ADAMTSL1: variants seen among roughly 807,000 people sequenced by gnomAD.
The protein encoded by ADAMTSL1 is ADAMTS like 1, also known as ADAMTS-like protein 1.
Under a neutral mutation model 201.8 loss-of-function variants are expected in ADAMTSL1, and 126 were observed. The ratio of observed to expected loss-of-function variants is 0.62; its 90% CI spans 0.54 to 0.72. The LOEUF (loss-of-function observed/expected upper bound fraction) is 0.72, where lower values mean the gene tolerates loss of function less well. Among genes scored for constraint, ADAMTSL1 ranks in the 30% least tolerant of loss-of-function variants. The pLI is 0.00. For synonymous variants in ADAMTSL1, 1,121 were observed against 903.4 expected (o/e 1.24, Z -4.32); for missense variants, 2,679 against 2,277.8 (o/e 1.18, Z -3.59).
At chr9:18,559,384 G>A (rs1298783314) in intron 3 of ADAMTSL1, among the ~76,000 whole-genome samples, 1 of 152,168 alleles carries the variant, frequency 6.6e-6, no homozygotes, top group East Asian at 1.9e-4. Flanking sequence ...TTTGGTACCA[G>A]TACCATGCTG....
intron 2 of ADAMTSL1, among the ~76,000 whole-genome samples, chr9:18,284,263 A>T (rs954429139): frequency 1.3e-5 from 2 of 152,094 alleles, no homozygotes; most frequent in African/African-American, 4.8e-5. Flanking sequence ...TTAAAAAAAC[A>T]TTTTTTAGAT....
intron 23 of ADAMTSL1, among the ~76,000 whole-genome samples, chr9:18,883,196 A>G (rs1158391804): frequency 2.0e-5 from 3 of 152,168 alleles, no homozygotes; most frequent in Non-Finnish European, 4.4e-5. Flanking sequence ...ACTTAAAACA[A>G]CAATCAATTG....
At chr9:18,354,330 C>G (rs917979873) in intron 2 of ADAMTSL1, among the ~76,000 whole-genome samples, 1 of 151,854 alleles carries the variant, frequency 6.6e-6, no homozygotes, top group African/African-American at 2.4e-5. Context: ...ATCTCTATCC[C>G]TGGTTGTTTT....
intron 2 of ADAMTSL1, among the ~76,000 whole-genome samples, chr9:18,408,979 T>C (rs1190262568): frequency 2.0e-5 from 3 of 152,232 alleles, no homozygotes; most frequent in African/African-American, 7.2e-5. Context: ...TTTACTTTGA[T>C]ACACCTGAAG....
intron 2 of ADAMTSL1, among the ~76,000 whole-genome samples, chr9:18,509,649 G>GA (rs1817915457): frequency 2.0e-5 from 3 of 152,198 alleles, no homozygotes; most frequent in South Asian, 4.1e-4. Flanking sequence ...TTCTCATAGT[G>GA]ATAGCAGAGG....
chr9:18,530,658 T>C (rs1016803523), intron 2 of ADAMTSL1, among the ~76,000 whole-genome samples: 1 of 152,208 alleles, frequency 6.6e-6, no homozygotes, highest in African/African-American at 2.4e-5. Flanking sequence ...AGCTATTATA[T>C]TTTTACATCT....
intron 2 of ADAMTSL1, among the ~76,000 whole-genome samples, chr9:18,422,970 G>T (rs1042441128): frequency 3.3e-5 from 5 of 152,246 alleles, no homozygotes; most frequent in African/African-American, 1.2e-4. Flanking sequence ...GCTTCTGGAA[G>T]ATCCCACTTG....
intron 23 of ADAMTSL1, among the ~76,000 whole-genome samples, chr9:18,879,133 T>C (rs1828364818): frequency 6.6e-6 from 1 of 152,208 alleles, no homozygotes; most frequent in Non-Finnish European, 1.5e-5. Flanking sequence ...AGGTCCACTT[T>C]GCCCTGGCAC....
chr9:18,321,742 G>A (rs1410700452), intron 2 of ADAMTSL1, among the ~76,000 whole-genome samples: 1 of 151,408 alleles, frequency 6.6e-6, no homozygotes, highest in South Asian at 2.1e-4. Context: ...GCAGTCAGCC[G>A]AGATCACACC....
chr9:17,916,726 G>A (rs1826110085), intron 1 of ADAMTSL1, among the ~76,000 whole-genome samples: 2 of 152,134 alleles, frequency 1.3e-5, no homozygotes, highest in African/African-American at 4.8e-5. Flanking sequence ...AAAAAGTCCT[G>A]ATAAATAAAA....
At chr9:17,914,192 A>T (rs1825996680) in intron 1 of ADAMTSL1, among the ~76,000 whole-genome samples, 1 of 152,212 alleles carries the variant, frequency 6.6e-6, no homozygotes, top group Non-Finnish European at 1.5e-5. Context: ...TCATCCTGAT[A>T]CCAAAGCCTG....
intron 2 of ADAMTSL1, among the ~76,000 whole-genome samples, chr9:18,469,011 G>A (rs912724667): frequency 6.6e-6 from 1 of 152,188 alleles, no homozygotes; most frequent in Non-Finnish European, 1.5e-5. Context: ...TACACAACCT[G>A]CAGTAGTGAA....
Position 18,182,798 on chromosome 9 carries a change from G to C in ADAMTSL1, c.207+18817G>C, listed in dbSNP as rs144594262. ...ATCAAGGTTACATGCTTTGTAGGTA[G>C]TAGAATGCGGGTTACAGTTCGGGCA... On this transcript the variant is annotated intron_variant, in intron 2 of 29. Transcript: ENST00000680146. Among the ~76,000 whole-genome samples, 157 of 152,302 alleles carry C rather than the reference G, an allele frequency of 1.0e-3. 2 individuals carry two copies. Among genetic ancestry groups the C allele is most frequent in the African/African-American group, 3.6e-3 (148 of 41,568 alleles).
chr9:17,995,556 A>G (rs534281599), intron 1 of ADAMTSL1, among the ~76,000 whole-genome samples: 96 of 152,192 alleles, frequency 6.3e-4, no homozygotes, highest in African/African-American at 2.2e-3. Flanking sequence ...GGTCTGAACT[A>G]GAGAGAAAAG....
At chr9:18,116,202 G>A (rs1360949047) in intron 1 of ADAMTSL1, among the ~76,000 whole-genome samples, 2 of 152,098 alleles carry the variant, frequency 1.3e-5, no homozygotes, top group Non-Finnish European at 2.9e-5. Flanking sequence ...GAACACAGAC[G>A]TTTATGGACA....
rs140182378 is a variant in ADAMTSL1 at position 18,439,359 on chromosome 9, A to T, written c.208-65470A>T. ...TGGAAGATATCAGTAAATGACAAAC[A>T]TCTTTATAATAGCTTTGTTTTGTTT... On this transcript the variant is annotated intron_variant, in intron 2 of 29. Coordinates refer to the ADAMTSL1 transcript ENST00000680146. Among the ~76,000 whole-genome samples the T allele has an allele frequency of 2.5e-3, 384 of 152,294 alleles. 1 individual carries two copies. The highest frequency in any genetic ancestry group is 8.7e-3 in the African/African-American group (360 of 41,568).
intron 2 of ADAMTSL1, among the ~76,000 whole-genome samples, chr9:18,197,875 A>G (rs1829253811): frequency 6.6e-6 from 1 of 152,032 alleles, no homozygotes; most frequent in Non-Finnish European, 1.5e-5. Context: ...AGGCTACAGT[A>G]ACGAAGACAG....
chr9:18,172,070 C>A (rs1332259157), intron 2 of ADAMTSL1, among the ~76,000 whole-genome samples: 1 of 135,022 alleles, frequency 7.4e-6, no homozygotes. Context: ...TAAGTGGGAG[C>A]TGAACAACGA....
At chr9:18,423,975 G>A (rs1228299183) in intron 2 of ADAMTSL1, among the ~76,000 whole-genome samples, 4 of 152,112 alleles carry the variant, frequency 2.6e-5, no homozygotes, top group Non-Finnish European at 4.4e-5. Context: ...GCAGAGTCTT[G>A]GTATGTTAAT....
Sources: gnomAD v4.1 joint callset for allele counts (sites outside exome capture counted in the v4.1 genomes callset) on GRCh38, gnomAD v4.1.1 for gene constraint, MANE v1.5 for transcripts, NCBI Gene and HGNC (gene_info 2026-07-23, HGNC 2026-07-21) for gene names.